Variants in CLGN observed in about 807,000 individuals in gnomAD.
The protein encoded by CLGN is testis tissue sperm-binding protein Li 79P.
In CLGN, 62 loss-of-function variants were observed where a neutral mutation model predicts 79.1. That is an observed-to-expected ratio of 0.78 (90% CI 0.64 to 0.97). The LOEUF (loss-of-function observed/expected upper bound fraction) is 0.97, where lower values mean the gene tolerates loss of function less well. Ranked by LOEUF, CLGN falls within the 50% of genes least tolerant of loss-of-function variation. The pLI is 0.00. For synonymous variants in CLGN, 225 were observed against 224.7 expected (o/e 1.00, Z -0.01); for missense variants, 647 against 715.5 (o/e 0.90, Z 1.09).
intron 4 of CLGN, among the ~76,000 whole-genome samples, chr4:140,407,491 C>A (rs1729129637): frequency 1.3e-5 from 2 of 149,722 alleles, no homozygotes; most frequent in Admixed American, 6.7e-5. Context: ...TCTCAGCTTA[C>A]AAAATCAATG....
At chr4:140,414,016 G>A (rs537766067) in intron 1 of CLGN, among the ~76,000 whole-genome samples, 3 of 152,186 alleles carry the variant, frequency 2.0e-5, no homozygotes, top group Non-Finnish European at 2.9e-5. Flanking sequence ...ATCTGAGAAC[G>A]GGCAGACTGC....
chr4:140,409,829 T>A lies in CLGN; in HGVS notation c.277+8A>T, dbSNP rs1410574977. 1 of 1,551,458 alleles carries A rather than the reference T, an allele frequency of 6.4e-7. No homozygotes were observed. The highest frequency in any genetic ancestry group is 8.9e-7 in the Non-Finnish European group (1 of 1,128,734). On this transcript the variant is annotated splice_region_variant and intron_variant, in intron 4 of 14. Transcript: ENST00000325617. ...TGGTTATATCTAATACTTAAATAAA[T>A]ATTTTACCATCGTATATTGAAATTT...
intron 1 of CLGN, among the ~76,000 whole-genome samples, chr4:140,413,595 G>A (rs1051293122): frequency 1.5e-4 from 23 of 152,230 alleles, no homozygotes; most frequent in African/African-American, 3.6e-4. Flanking sequence ...AAGGGGTGAC[G>A]GACGGCACCT....
chr4:140,427,245 C>A (rs1729587239), intron 1 of CLGN, among the ~76,000 whole-genome samples: 1 of 152,164 alleles, frequency 6.6e-6, no homozygotes, highest in Admixed American at 6.5e-5. Context: ...TGCTCGTCCG[C>A]CCCAGCCCGG....
At chr4:140,407,848 T>C (rs1479588119) in intron 4 of CLGN, among the ~76,000 whole-genome samples, 1 of 152,026 alleles carries the variant, frequency 6.6e-6, no homozygotes, top group Non-Finnish European at 1.5e-5. Context: ...AAAGTTCATA[T>C]GGAACCAAAA....
rs1728729021 is a variant in CLGN, at chr4:140,389,212, T to A, written c.*12A>T. 1 of 1,608,256 alleles carries A rather than the reference T, an allele frequency of 6.2e-7. No individual in the cohort carries two copies. On this transcript the variant is annotated 3_prime_UTR_variant, in exon 15 of 15. Coordinates refer to ENST00000325617, the MANE Select transcript of CLGN (RefSeq NM_004362.3). ...ACATCCCTCTCGGGAATTAAAAATA[T>A]TTCAATCTAGTTTAGTCCTTTCGTA...
At chr4:140,413,121 C>A in intron 1 of CLGN, 34 bp from the exon 2 acceptor site, 1 of 1,541,808 alleles carries the variant, frequency 6.5e-7, no homozygotes, top group Non-Finnish European at 8.9e-7. Context: ...GAAAATAAAA[C>A]AAAATTGTGA....
chr4:140,420,279 G>A (rs1354272961), intron 1 of CLGN, among the ~76,000 whole-genome samples: 3 of 152,138 alleles, frequency 2.0e-5, no homozygotes, highest in Non-Finnish European at 4.4e-5. Flanking sequence ...CTATATTATA[G>A]TTTTTCCTGA....
At chr4:140,404,525 A>G (rs1275429241) in intron 5 of CLGN, among the ~76,000 whole-genome samples, 1 of 152,228 alleles carries the variant, frequency 6.6e-6, no homozygotes, top group Non-Finnish European at 1.5e-5. Context: ...AGCATTGAAT[A>G]TAAATCTCTT....
At chr4:140,418,947 CCAA>C (rs1729403489) in intron 1 of CLGN, among the ~76,000 whole-genome samples, 1 of 152,132 alleles carries the variant, frequency 6.6e-6, no homozygotes. Flanking sequence ...AGACTTGGAA[CCAA>C]CCCAAATGTC....
chr4:140,425,620 TCC>T (rs1491035089), intron 1 of CLGN, among the ~76,000 whole-genome samples: 1 of 147,378 alleles, frequency 6.8e-6, no homozygotes, highest in Non-Finnish European at 1.5e-5. Context: ...TTTTTGTAAT[TCC>T]TTTTTTTTTT....
At chr4:140,395,336 C>T (rs1728852910) in intron 10 of CLGN, among the ~76,000 whole-genome samples, 1 of 151,950 alleles carries the variant, frequency 6.6e-6, no homozygotes, top group Admixed American at 6.6e-5. Context: ...TTAGTGGAGA[C>T]AGGGTTTCAC....
chr4:140,400,591 G>A, intron 6 of CLGN, 42 bp from the exon 7 acceptor site: 1 of 1,294,784 alleles, frequency 7.7e-7, no homozygotes, highest in Non-Finnish European at 1.1e-6. Context: ...CAGAATCACA[G>A]ACTATTTAAT....
At position 140,390,700 on chromosome 4, in the gene CLGN, A is replaced by G. The variant is rs1320349389; in HGVS notation, c.1680T>C (p.Ser560=). 6.2e-7 allele frequency: 1 copy of G among 1,603,352 alleles called. No individual in the cohort carries two copies. The highest frequency in any genetic ancestry group is 1.7e-5 in the Admixed American group (1 of 59,250). The part of the protein sequence containing the change: ...KEEESEPEEK[S]EEEIEIIEGQ... Reference sequence around the variant, plus strand: ...CTTCTATGATTTCAATTTCTTCTTCACTCTTTTCCTCAGGTTCACTTTCCT... The same window carrying G: ...CTTCTATGATTTCAATTTCTTCTTCGCTCTTTTCCTCAGGTTCACTTTCCT... The change falls in exon 14 of 15, where the codon AGT becomes AGC. Residue 560 remains serine (S), a synonymous_variant. Transcript: ENST00000325617.
chr4:140,399,189 C>T (rs1374585308), intron 7 of CLGN, 149 bp from the exon 8 acceptor site: 1 of 583,764 alleles, frequency 1.7e-6, no homozygotes, highest in Non-Finnish European at 2.7e-6. Flanking sequence ...TGAACTAAAA[C>T]ATTCTAAAAT....
chr4:140,391,503 G>A (rs572245728), intron 13 of CLGN, among the ~76,000 whole-genome samples: 1 of 151,600 alleles, frequency 6.6e-6, no homozygotes, highest in South Asian at 2.1e-4. Context: ...ATGTATATGT[G>A]TGTATATATA....
At chr4:140,400,208 C>T (rs929760698) in intron 7 of CLGN, 149 bp downstream of exon 7, 47 of 542,806 alleles carry the variant, frequency 8.7e-5, no homozygotes, top group Admixed American at 1.9e-4. Flanking sequence ...ATTTTCTACC[C>T]GTGCTGTCAT....
rs1469160090 is a variant in CLGN at position 140,413,025 on chromosome 4, A to G, written c.54T>C (p.Asn18=). 1.2e-6 allele frequency: 2 copies of G among 1,613,344 alleles called. No homozygotes were observed. Among genetic ancestry groups the G allele is most frequent in the South Asian group, 2.2e-5 (2 of 91,036 alleles). Residue 18 remains asparagine, a synonymous_variant, in exon 2 of 15, where the codon AAT becomes AAC. Coordinates refer to ENST00000325617, the MANE Select transcript of CLGN (RefSeq NM_004362.3). ...CAACATCATCATCCATAAATTCTGC[A>G]TTAATTGAGATGAACAGAAGACCCA... ...LCLGLLFISI[N]AEFMDDDVET...
At chr4:140,399,274 C>T (rs1216244656) in intron 7 of CLGN, among the ~76,000 whole-genome samples, 1 of 152,092 alleles carries the variant, frequency 6.6e-6, no homozygotes, top group Non-Finnish European at 1.5e-5. Context: ...CATTACTTCT[C>T]AAATAAAAAA....
Sources: gnomAD v4.1 joint callset for allele counts (sites outside exome capture counted in the v4.1 genomes callset) on GRCh38, gnomAD v4.1.1 for gene constraint, MANE v1.5 for transcripts, NCBI Gene and HGNC (gene_info 2026-07-23, HGNC 2026-07-21) for gene names.